Variants in MOV10L1 observed in about 807,000 individuals in gnomAD.
MOV10L1 encodes the protein Mov10 like RNA helicase 1.
Under a neutral mutation model 143.8 loss-of-function variants are expected in MOV10L1, and 110 were observed. The ratio of observed to expected loss-of-function variants is 0.76; its 90% CI spans 0.66 to 0.90. The LOEUF (loss-of-function observed/expected upper bound fraction) is 0.90, where lower values mean the gene tolerates loss of function less well. Ranked by LOEUF, MOV10L1 falls within the 40% of genes least tolerant of loss-of-function variation. MOV10L1 has a pLI of 0.00. For missense variants in MOV10L1, 1,406 were observed against 1,526.8 expected (o/e 0.92, Z 1.32); for synonymous variants, 593 against 581.1 (o/e 1.02, Z -0.29).
At chr22:50,102,337 T>C (rs9628283) in intron 3 of MOV10L1, among the ~76,000 whole-genome samples, 6,431 of 152,310 alleles carry the variant, frequency 0.042, 223 homozygotes, top group African/African-American at 0.088. Flanking sequence ...CCCCACAGGA[T>C]GGTCGTACCA....
chr22:50,108,719 G>T lies in MOV10L1; in HGVS notation c.618G>T (p.Leu206Phe). 1 of 1,614,154 alleles carries T rather than the reference G, an allele frequency of 6.2e-7. No homozygotes were observed. Among genetic ancestry groups the T allele is most frequent in the Non-Finnish European group, 8.5e-7 (1 of 1,180,016 alleles). Residue 206 changes from leucine to phenylalanine, a missense_variant, in exon 5 of 27, where the codon TTG becomes TTT. Physicochemically the swap from Leu to Phe is conservative, Grantham distance 22 (BLOSUM62 0). Around this residue, in one of 3 missense-constraint regions of MOV10L1, gnomAD observed 1,233 missense variants for 1,351.4 expected, o/e 0.91. Coordinates refer to ENST00000262794, the MANE Select transcript of MOV10L1 (RefSeq NM_018995.3). ...TAGAGGAAAGCATCTTCTTTACCTTGGACTCCTTGAAACTGCCAGATGGGT... is the reference window on the plus strand; with the variant it reads ...TAGAGGAAAGCATCTTCTTTACCTTTGACTCCTTGAAACTGCCAGATGGGT... ...GVLEESIFFT[L>F]DSLKLPDGYT...
intron 22 of MOV10L1, among the ~76,000 whole-genome samples, chr22:50,157,528 C>T (rs2063457125): frequency 6.6e-6 from 1 of 152,090 alleles, no homozygotes; most frequent in Admixed American, 6.6e-5. Context: ...AGGTGAGGGT[C>T]CGTCTTCATC....
chr22:50,119,182 C>A (rs1400678299), intron 9 of MOV10L1, among the ~76,000 whole-genome samples: 2 of 152,162 alleles, frequency 1.3e-5, no homozygotes, highest in Non-Finnish European at 2.9e-5. Flanking sequence ...CAGTTACTTC[C>A]CCGTGAATAT....
chr22:50,117,919 T>C (rs2062227323), intron 9 of MOV10L1, among the ~76,000 whole-genome samples: 1 of 152,080 alleles, frequency 6.6e-6, no homozygotes, highest in East Asian at 1.9e-4. Flanking sequence ...TCTTCTGTAG[T>C]TATAAAACGA....
At position 50,090,080 on chromosome 22, in the gene MOV10L1, G is replaced by T; in HGVS notation, c.-9G>T. 1 of 1,289,188 alleles carries T rather than the reference G, an allele frequency of 7.8e-7. No homozygotes were observed. Among genetic ancestry groups the T allele is most frequent in the Non-Finnish European group, 9.8e-7 (1 of 1,017,968 alleles). 79.9% of individuals were successfully genotyped at this position (1,289,188 alleles called of 1,614,324 possible). A position where few individuals can be genotyped will look rare whatever the true frequency, so the allele number is the denominator to read the frequency against. On this transcript the variant is annotated 5_prime_UTR_variant, in exon 1 of 27. Transcript: ENST00000262794. ...CGGCGGTGACGGCAGCCTAGGCCGG[G>T]CGAGGGCCATGCTGAGCCTCGCAGC...
chr22:50,119,185 G>A (rs78566519), intron 9 of MOV10L1, among the ~76,000 whole-genome samples: 634 of 152,274 alleles, frequency 4.2e-3, no homozygotes, highest in Non-Finnish European at 4.3e-3. Flanking sequence ...TTACTTCCCC[G>A]TGAATATTAA....
chr22:50,154,584 A>T, intron 22 of MOV10L1, among the ~76,000 whole-genome samples: 1 of 151,952 alleles, frequency 6.6e-6, no homozygotes. Flanking sequence ...CTATATAAAT[A>T]AATATAAATA....
At chr22:50,099,711 G>T (rs2062687701) in intron 3 of MOV10L1, 109 bp downstream of exon 3, 2 of 1,314,918 alleles carry the variant, frequency 1.5e-6, no homozygotes, top group Admixed American at 4.6e-5. Context: ...ACTTTGTCAG[G>T]CTGAGACAGG....
chr22:50,107,476 A>G (rs1161305029), intron 3 of MOV10L1, among the ~76,000 whole-genome samples: 1 of 152,036 alleles, frequency 6.6e-6, no homozygotes, highest in East Asian at 1.9e-4. Flanking sequence ...CAAACTCAGT[A>G]TTCAATTATA....
At position 50,132,742 on chromosome 22, in the gene MOV10L1, T is replaced by C. The variant is rs539267535; in HGVS notation, c.1911-1265T>C. On this transcript the variant is annotated intron_variant, in intron 13 of 26. Transcript: ENST00000262794. ...CATATATAATCATTGATTCAAAGAA[T>C]GACAGTTTTAGGTTGGGTGTGGTGG... is the stretch of plus-strand genomic sequence containing the variant. Among the ~76,000 whole-genome samples, 6 of 152,288 alleles carry C rather than the reference T, an allele frequency of 3.9e-5. No homozygotes were observed. In the South Asian group the frequency reaches 1.0e-3, roughly 26 times the overall value.
chr22:50,098,751 G>C (rs1486432312), intron 2 of MOV10L1, among the ~76,000 whole-genome samples: 2 of 152,184 alleles, frequency 1.3e-5, no homozygotes, highest in Admixed American at 1.3e-4. Flanking sequence ...CCTGGTTCCT[G>C]ATCTTAGGGG....
At position 50,128,431 on chromosome 22, in the gene MOV10L1, G is replaced by A. The variant is rs750220679; in HGVS notation, c.1834G>A (p.Val612Ile). 1 of 1,509,586 alleles carries A rather than the reference G, an allele frequency of 6.6e-7. No individual in the cohort carries two copies. Among genetic ancestry groups the A allele is most frequent in the South Asian group, 1.2e-5 (1 of 86,762 alleles). 93.5% of individuals were successfully genotyped at this position (1,509,586 alleles called of 1,614,324 possible). A position where few individuals can be genotyped will look rare whatever the true frequency, so the allele number is the denominator to read the frequency against. ...CCTTTTTTAGATTCATGAAGAAGAT[G>A]TAACTCTTAAAATTAATCCAGAATT... ...SYVTEIHEED[V>I]TLKINPEFEQ... The change falls in exon 13 of 27, where the codon GTA becomes ATA. Residue 612 changes from valine (V) to isoleucine (I), a missense_variant. Val to Ile is a conservative substitution (Grantham distance 29, BLOSUM62 3). This residue lies in a region of MOV10L1 where 1,233 missense variants were observed against 1,351.4 expected (regional missense o/e 0.91). Transcript: ENST00000262794.
chr22:50,146,371 C>T (rs1029397206), intron 19 of MOV10L1, among the ~76,000 whole-genome samples: 6 of 151,890 alleles, frequency 4.0e-5, no homozygotes, highest in Non-Finnish European at 7.4e-5. Context: ...TGTGGGGTGC[C>T]GGCTGTCATA....
intron 3 of MOV10L1, among the ~76,000 whole-genome samples, chr22:50,107,718 G>T (rs777085184): frequency 6.6e-6 from 1 of 152,206 alleles, no homozygotes; most frequent in Non-Finnish European, 1.5e-5. Flanking sequence ...ACACTGAGGG[G>T]CTGGCTGGAC....
intron 20 of MOV10L1, among the ~76,000 whole-genome samples, chr22:50,150,418 T>C (rs1160442649): frequency 6.6e-6 from 1 of 152,240 alleles, no homozygotes; most frequent in Non-Finnish European, 1.5e-5. Context: ...GGGCCAGCCA[T>C]GCAGAAGCTT....
intron 3 of MOV10L1, among the ~76,000 whole-genome samples, chr22:50,102,112 G>T (rs1287524287): frequency 6.6e-6 from 1 of 152,196 alleles, no homozygotes; most frequent in African/African-American, 2.4e-5. Context: ...GGATTTCCCA[G>T]TATAAAAAAC....
chr22:50,134,679 C>T (rs200717832), intron 15 of MOV10L1, 49 bp downstream of exon 15: 62 of 1,534,896 alleles, frequency 4.0e-5, no homozygotes, highest in South Asian at 1.8e-4. Flanking sequence ...GGCTCAGCGA[C>T]GTGGCTGTCT....
chr22:50,136,383 A>G (rs2062824680), intron 15 of MOV10L1, among the ~76,000 whole-genome samples: 1 of 152,242 alleles, frequency 6.6e-6, no homozygotes, highest in Non-Finnish European at 1.5e-5. Context: ...CTAGATTGAA[A>G]ATAAACTCAA....
intron 12 of MOV10L1, among the ~76,000 whole-genome samples, chr22:50,126,824 G>A (rs977288818): frequency 2.0e-5 from 3 of 152,148 alleles, no homozygotes; most frequent in African/African-American, 7.2e-5. Context: ...AAACTTGAAG[G>A]GAGAATGCCA....
Sources: allele counts gnomAD v4.1 joint callset (sites outside exome capture counted in the v4.1 genomes callset), GRCh38; gene constraint gnomAD v4.1.1; regional missense constraint gnomAD v4.1.1; transcripts MANE v1.5; gene names NCBI Gene and HGNC (gene_info 2026-07-23, HGNC 2026-07-21).